The following RGPD3 variants were observed in gnomAD, a reference collection of about 807,000 sequenced individuals.
The protein encoded by RGPD3 is RANBP2 like and GRIP domain containing 3, also known as ranBP2-like and GRIP domain-containing protein 3.
A neutral mutation model predicts 154.5 loss-of-function variants in RGPD3; 62 were observed. The observed-to-expected ratio is 0.40, with a 90% confidence interval of 0.33 to 0.50. The LOEUF is 0.50. RGPD3 is among the 20% of genes least tolerant of loss of function. The pLI, the probability that RGPD3 is intolerant of heterozygous loss-of-function variation, is 0.59. For missense variants in RGPD3, 919 were observed against 1,716.8 expected, an observed-to-expected ratio of 0.54 and a Z score of 8.21; for synonymous variants, 308 against 607.0, an observed-to-expected ratio of 0.51 and a Z score of 7.24.
chr2:106,463,853 AAAAAATAAAGCAATTATTCAGTCCAGG>A (rs1558863329), intron 1 of RGPD3, among the ~76,000 whole-genome samples: 1 of 152,092 alleles, frequency 6.6e-6, no homozygotes, highest in Non-Finnish European at 1.5e-5. Context: ...CAAGCAAACC[AAAAAATAAAGCAATTATTCAGTCCAGG>A]AAAAACAAAA....
Position 106,408,803 on chromosome 2 carries a change from T to G in RGPD3, c.5267-3574A>C, listed in dbSNP as rs1411787600. On this transcript the variant is annotated intron_variant, in intron 22 of 22. Coordinates refer to ENST00000409886, the MANE Select transcript of RGPD3 (RefSeq NM_001144013.2). Reference sequence around the variant, plus strand: ...CTTATAACAAAGAATCCTGCTGCCTTAGCCTCCCGAGTAGCTAGGACTATG... The same window carrying G: ...CTTATAACAAAGAATCCTGCTGCCTGAGCCTCCCGAGTAGCTAGGACTATG... Among the ~76,000 whole-genome samples the G allele has an allele frequency of 2.6e-5, 4 of 152,050 alleles. No homozygotes were observed. In the East Asian group the frequency reaches 7.8e-4, roughly 29 times the overall value.
chr2:106,458,895 A>G (rs565470028), intron 2 of RGPD3, among the ~76,000 whole-genome samples: 99 of 106,518 alleles, frequency 9.3e-4, no homozygotes, highest in African/African-American at 2.5e-3. Flanking sequence ...CTGCCTTACA[A>G]TTACAGTTTA....
chr2:106,424,619 A>C lies in RGPD3; in HGVS notation c.3348T>G (p.Thr1116=). The part of the protein sequence containing the change: ...LKVCANHWIT[T]TMNLKPLSGS... ...CAGAGAGGGGCTTCAGGTTCATTGT[A>C]GTCGTTATCCAATGATTAGCACACA... Residue 1116 remains threonine, a synonymous_variant, in exon 20 of 23, where the codon ACT becomes ACG. Coordinates refer to ENST00000409886, the MANE Select transcript of RGPD3 (RefSeq NM_001144013.2). 1 of 1,611,890 alleles carries C rather than the reference A, an allele frequency of 6.2e-7. No homozygotes were observed.
chr2:106,441,227 A>G (rs1677732825), intron 8 of RGPD3, 66 bp downstream of exon 8: 5 of 1,576,004 alleles, frequency 3.2e-6, no homozygotes, highest in Non-Finnish European at 3.4e-6. Context: ...AGATTTTATC[A>G]TAAGATATGC....
chr2:106,417,964 A>G (rs1177659575), intron 20 of RGPD3, among the ~76,000 whole-genome samples: 4 of 149,188 alleles, frequency 2.7e-5, no homozygotes, highest in Non-Finnish European at 5.9e-5. Context: ...CCCTATCTCT[A>G]CTAAAAATGC....
intron 22 of RGPD3, among the ~76,000 whole-genome samples, chr2:106,407,419 C>T (rs1676548507): frequency 6.6e-6 from 1 of 152,086 alleles, no homozygotes. Flanking sequence ...GTCTCTCTTC[C>T]ACAATCTGAA....
At chr2:106,466,126 G>A (rs1286082717) in intron 1 of RGPD3, among the ~76,000 whole-genome samples, 1 of 151,880 alleles carries the variant, frequency 6.6e-6, no homozygotes, top group African/African-American at 2.4e-5. Flanking sequence ...CAGAAAGCCC[G>A]GGCCAGGACG....
At chr2:106,448,108 CTTTT>C (rs376235888) in intron 6 of RGPD3, among the ~76,000 whole-genome samples, 7 of 110,082 alleles carry the variant, frequency 6.4e-5, no homozygotes, top group African/African-American at 9.4e-5. Context: ...AATAAATTGT[CTTTT>C]TTTTTTTTTT....
At chr2:106,437,955 G>A (rs1014646854) in intron 9 of RGPD3, among the ~76,000 whole-genome samples, 37 of 152,204 alleles carry the variant, frequency 2.4e-4, no homozygotes, top group East Asian at 1.9e-4. Context: ...TTTCTGAGAC[G>A]AAGTCTCGCT....
rs1677414568 is a variant in RGPD3 at position 106,433,013 on chromosome 2, A to G, written c.2391T>C (p.Ser797=). ...SLSPSKSYKY[S]PKTPPRWAED... ...CTGCCCATCGAGGTGGTGTTTTGGGAGAATACTAAAAAAAAAATAAAAATA... is the reference window on the plus strand; with the variant it reads ...CTGCCCATCGAGGTGGTGTTTTGGGGGAATACTAAAAAAAAAATAAAAATA... Residue 797 remains serine, a synonymous_variant, in exon 17 of 23, where the codon TCT becomes TCC. Coordinates refer to ENST00000409886, the MANE Select transcript of RGPD3 (RefSeq NM_001144013.2). 1.9e-6 allele frequency: 3 copies of G among 1,610,192 alleles called. No homozygotes were observed. In the East Asian group the frequency reaches 6.7e-5, roughly 36 times the overall value.
At chr2:106,447,845 G>A (rs1195510162) in intron 6 of RGPD3, among the ~76,000 whole-genome samples, 17 of 151,298 alleles carry the variant, frequency 1.1e-4, no homozygotes, top group Non-Finnish European at 2.1e-4. Flanking sequence ...CTTATTCCCA[G>A]TTATTTCCAG....
intron 1 of RGPD3, among the ~76,000 whole-genome samples, chr2:106,467,877 C>G (rs1327561198): frequency 1.6e-5 from 2 of 125,776 alleles, no homozygotes; most frequent in African/African-American, 6.2e-5. Flanking sequence ...CCATCGAGGC[C>G]GCCGCAGGGC....
At position 106,424,813 on chromosome 2, in the gene RGPD3, T is replaced by C. The variant is rs571923853; in HGVS notation, c.3154A>G (p.Thr1052Ala). 1 of 1,611,892 alleles carries C rather than the reference T, an allele frequency of 6.2e-7. No homozygotes were observed. Among genetic ancestry groups the C allele is most frequent in the African/African-American group, 1.3e-5 (1 of 74,942 alleles). The stretch of plus-strand genomic sequence containing the variant: ...AGAACTTTTTCACCTTCTTCTCCTG[T>C]TACAAGTTCTACTTTTTCAGGCATT... ...VQMPEKVELV[T>A]GEEGEKVLYS... The change falls in exon 20 of 23, where the codon ACA (threonine) becomes GCA (alanine). Residue 1052 changes from threonine to alanine, a missense_variant. Thr to Ala is a moderately conservative substitution (Grantham distance 58). Transcript: ENST00000409886.
upstream of RGPD3, among the ~76,000 whole-genome samples, chr2:106,469,574 T>C (rs1678758814): frequency 6.6e-6 from 1 of 152,228 alleles, no homozygotes; most frequent in African/African-American, 2.4e-5. Flanking sequence ...CACACTCACA[T>C]GTCCTTTAAA....
chr2:106,417,743 A>AATG (rs1159372018), intron 20 of RGPD3, among the ~76,000 whole-genome samples: 2 of 146,896 alleles, frequency 1.4e-5, no homozygotes, highest in African/African-American at 5.4e-5. Flanking sequence ...AGAGGTACAC[A>AATG]AAATGAAAAT....
rs567616304 is a variant in RGPD3 at position 106,405,367 on chromosome 2, G to C, written c.5267-138C>G. On this transcript the variant is annotated intron_variant, in intron 22 of 22. Coordinates refer to ENST00000409886, the MANE Select transcript of RGPD3 (RefSeq NM_001144013.2). ...ATCACATGCCTTTTTTGTTGGGTGG[G>C]GGGGGTTCTTTTTTTTTTTTTTTTT... 31 of 995,344 alleles carry C rather than the reference G, an allele frequency of 3.1e-5. No homozygotes were observed. In the South Asian group the frequency reaches 4.9e-4, roughly 16 times the overall value. The allele number at this position is 995,344 out of a possible 1,614,324, so 61.7% of individuals were successfully genotyped here.
Position 106,423,858 on chromosome 2 carries a change from T to A in RGPD3, c.4109A>T (p.Asp1370Val). 1 of 1,612,004 alleles carries A rather than the reference T, an allele frequency of 6.2e-7. No individual in the cohort carries two copies. The highest frequency in any genetic ancestry group is 8.5e-7 in the Non-Finnish European group (1 of 1,179,872). Residue 1370 changes from aspartate (D) to valine (V), a missense_variant, in exon 20 of 23, where the codon GAT (aspartate) becomes GTT (valine). Coordinates refer to ENST00000409886, the MANE Select transcript of RGPD3 (RefSeq NM_001144013.2). ...HRAEFYRYDK[D>V]VGQWKERGIG... Reference sequence around the variant, plus strand: ...GCCCCTTTCTTTCCATTGACCAACATCTTTATCATATCTGTAGAATTCTGC... The same window carrying A: ...GCCCCTTTCTTTCCATTGACCAACAACTTTATCATATCTGTAGAATTCTGC...
intron 20 of RGPD3, among the ~76,000 whole-genome samples, chr2:106,418,906 GTTTA>G (rs1029120143): frequency 6.7e-6 from 1 of 148,788 alleles, no homozygotes; most frequent in African/African-American, 2.5e-5. Flanking sequence ...ACATGTATTG[GTTTA>G]TTGACTCCCA....
At chr2:106,422,807 CT>C (rs1677037224) in intron 20 of RGPD3, among the ~76,000 whole-genome samples, 1 of 151,538 alleles carries the variant, frequency 6.6e-6, no homozygotes, top group Non-Finnish European at 1.5e-5. Context: ...TTCTTTTGCT[CT>C]GCCCTAGCAT....
Sources: gnomAD v4.1 joint callset for allele counts (sites outside exome capture counted in the v4.1 genomes callset) on GRCh38, gnomAD v4.1.1 for gene constraint, MANE v1.5 for transcripts, NCBI Gene and HGNC (gene_info 2026-07-23, HGNC 2026-07-21) for gene names.